CHD7: variants seen among roughly 807,000 people sequenced by gnomAD.
CHD7 encodes the protein ATP-dependent chromatin remodeler CHD7.
A neutral mutation model predicts 307.3 loss-of-function variants in CHD7; 24 were observed. That is an observed-to-expected ratio of 0.08 (90% CI 0.06 to 0.11). CHD7 has a LOEUF of 0.11. CHD7 is among the 10% of genes least tolerant of loss of function. The pLI, the probability that CHD7 is intolerant of heterozygous loss-of-function variation, is 1.00. For missense variants in CHD7, 3,106 were observed against 3,727.1 expected, an observed-to-expected ratio of 0.83 and a Z score of 4.34; for synonymous variants, 1,363 against 1,349.9, an observed-to-expected ratio of 1.01 and a Z score of -0.21.
intron 3 of CHD7, among the ~76,000 whole-genome samples, chr8:60,791,608 C>T (rs1166612494): frequency 2.0e-5 from 3 of 152,172 alleles, no homozygotes; most frequent in Admixed American, 1.3e-4. Flanking sequence ...TTGACCCTTA[C>T]GGATATAAAT....
chr8:60,749,945 C>T (rs1201328738), intron 2 of CHD7, among the ~76,000 whole-genome samples: 7 of 152,180 alleles, frequency 4.6e-5, no homozygotes, highest in Admixed American at 2.6e-4. Context: ...AACCTGTCTG[C>T]GTTTTTCCTC....
chr8:60,702,466 G>A (rs1159703929), intron 1 of CHD7, among the ~76,000 whole-genome samples: 10 of 152,032 alleles, frequency 6.6e-5, no homozygotes, highest in African/African-American at 1.9e-4. Flanking sequence ...TGTCCTTTCC[G>A]ACTTTACAGA....
chr8:60,732,076 G>T (rs1343182579), intron 1 of CHD7, among the ~76,000 whole-genome samples: 1 of 152,220 alleles, frequency 6.6e-6, no homozygotes, highest in African/African-American at 2.4e-5. Flanking sequence ...TTTCAGTTGT[G>T]ATGTTGCCCA....
chr8:60,715,176 T>C (rs1807528275), intron 1 of CHD7, among the ~76,000 whole-genome samples: 3 of 151,976 alleles, frequency 2.0e-5, no homozygotes, highest in African/African-American at 4.8e-5. Flanking sequence ...CCGATGAGAG[T>C]GAAGAACTAA....
chr8:60,754,415 T>C (rs1809786378), intron 2 of CHD7, among the ~76,000 whole-genome samples: 1 of 152,252 alleles, frequency 6.6e-6, no homozygotes, highest in South Asian at 2.1e-4. Flanking sequence ...CAATAAATGT[T>C]AAATATTTTT....
At chr8:60,835,617 C>T (rs1419732570) in intron 15 of CHD7, among the ~76,000 whole-genome samples, 2 of 152,134 alleles carry the variant, frequency 1.3e-5, no homozygotes, top group Admixed American at 6.5e-5. Flanking sequence ...ATTGCTCTTA[C>T]GCTGTAATTG....
intron 37 of CHD7, 109 bp downstream of exon 37, chr8:60,862,761 A>G (rs1806060124): frequency 7.0e-6 from 5 of 714,212 alleles, no homozygotes; most frequent in Non-Finnish European, 1.2e-5. Context: ...ACTTAGCTTA[A>G]AAGAATTGAC....
At chr8:60,716,711 A>C (rs765524719) in intron 1 of CHD7, among the ~76,000 whole-genome samples, 27 of 152,240 alleles carry the variant, frequency 1.8e-4, no homozygotes, top group South Asian at 8.3e-4. Context: ...AACAAAGCTT[A>C]ATTAAGCTGC....
intron 3 of CHD7, among the ~76,000 whole-genome samples, chr8:60,781,667 T>G (rs937570508): frequency 2.6e-5 from 4 of 152,216 alleles, no homozygotes; most frequent in Non-Finnish European, 5.9e-5. Context: ...TAAAAATCAA[T>G]TTTTTATATT....
intron 15 of CHD7, among the ~76,000 whole-genome samples, chr8:60,833,536 A>T (rs1804615630): frequency 6.6e-6 from 1 of 152,192 alleles, no homozygotes; most frequent in African/African-American, 2.4e-5. Context: ...AATCGTCAAG[A>T]ACAAAATATT....
Position 60,820,110 on chromosome 8 carries a change from A to G in CHD7, c.2697+20A>G, listed in dbSNP as rs759236343. ...GGAGAGGTAACAGGAGATCATTTGT[A>G]TTACAAAGTGGTGATTCAGGCAACC... is the stretch of plus-strand genomic sequence containing the variant. On this transcript the variant is annotated intron_variant, in intron 9 of 37. Coordinates refer to ENST00000423902, the MANE Select transcript of CHD7 (RefSeq NM_017780.4). 5.2e-6 allele frequency: 8 copies of G among 1,545,290 alleles called. No homozygotes were observed. Among genetic ancestry groups the G allele is most frequent in the Admixed American group, 1.7e-5 (1 of 57,536 alleles).
chr8:60,809,286 T>C (rs1812683360), intron 7 of CHD7, among the ~76,000 whole-genome samples: 1 of 152,180 alleles, frequency 6.6e-6, no homozygotes, highest in Non-Finnish European at 1.5e-5. Context: ...CTGACAATTT[T>C]AAAAATGCTC....
rs1419285996 is a variant in CHD7, at chr8:60,678,992, C to T, written c.-265C>T. ...CAACTCCGTGCCCGTGGATTCAGCC[C>T]CCTGGCCGCAGCTGCCGAGCCAACT... On this transcript the variant is annotated 5_prime_UTR_variant, in exon 1 of 38. Transcript: ENST00000423902. 1 of 151,622 alleles carries T rather than the reference C, an allele frequency of 6.6e-6. No individual in the cohort carries two copies. The highest frequency in any genetic ancestry group is 6.6e-5 in the Admixed American group (1 of 15,196). The allele number at this position is 151,622 out of a possible 1,614,324, so 9.4% of individuals were successfully genotyped here. A position where few individuals can be genotyped will look rare whatever the true frequency, so the allele number is the denominator to read the frequency against.
At chr8:60,689,452 GGTT>G (rs2150485443) in intron 1 of CHD7, among the ~76,000 whole-genome samples, 1 of 152,314 alleles carries the variant, frequency 6.6e-6, no homozygotes, top group East Asian at 1.9e-4. Context: ...CAGGTGAAGA[GGTT>G]GTTTAATAAA....
In CHD7 at chr8:60,682,866, G is replaced by A. The variant is rs561954584; in HGVS notation, c.-175+3784G>A. 1.1e-4 allele frequency among the ~76,000 whole-genome samples: 16 copies of A among 152,326 alleles called. No individual in the cohort carries two copies. The East Asian group carries it at 3.1e-3, about 29-fold the overall frequency. ...AATAAAAATGTTTAGTCAGGTCTGA[G>A]CAAATGGCTCTTAAAACTTCAACTT... On this transcript the variant is annotated intron_variant, in intron 1 of 37. Transcript: ENST00000423902.
At chr8:60,702,854 G>A (rs1324719087) in intron 1 of CHD7, among the ~76,000 whole-genome samples, 1 of 152,212 alleles carries the variant, frequency 6.6e-6, no homozygotes, top group African/African-American at 2.4e-5. Context: ...GTCAGCTGGT[G>A]GCTGATAGTT....
intron 2 of CHD7, among the ~76,000 whole-genome samples, chr8:60,745,784 C>T (rs550170132): frequency 2.0e-5 from 3 of 152,218 alleles, no homozygotes; most frequent in African/African-American, 7.2e-5. Flanking sequence ...TGCTTATTAA[C>T]CTGGTGATCT....
chr8:60,771,352 C>G (rs1458710125), intron 2 of CHD7, among the ~76,000 whole-genome samples: 2 of 152,158 alleles, frequency 1.3e-5, no homozygotes, highest in Non-Finnish European at 2.9e-5. Context: ...AGATTTGTTT[C>G]AGATTTTGGA....
intron 7 of CHD7, among the ~76,000 whole-genome samples, chr8:60,813,417 G>A (rs1022401034): frequency 6.6e-6 from 1 of 151,978 alleles, no homozygotes; most frequent in Non-Finnish European, 1.5e-5. Context: ...AGTTACATTG[G>A]CTAATAACCT....
Sources: gnomAD v4.1 joint callset for allele counts (sites outside exome capture counted in the v4.1 genomes callset) on GRCh38, gnomAD v4.1.1 for gene constraint, MANE v1.5 for transcripts, NCBI Gene and HGNC (gene_info 2026-07-23, HGNC 2026-07-21) for gene names.